Variants in DYM observed in about 807,000 individuals in gnomAD.
The protein encoded by DYM is dymeclin.
In DYM, 78 loss-of-function variants were observed where a neutral mutation model predicts 93.1. The ratio of observed to expected loss-of-function variants is 0.84; its 90% CI spans 0.70 to 1.01. The LOEUF is 1.01. Among genes scored for constraint, DYM ranks in the 50% least tolerant of loss-of-function variants. The pLI, the probability that DYM is intolerant of heterozygous loss-of-function variation, is 0.00. For missense variants in DYM, 789 were observed against 845.0 expected (o/e 0.93, Z 0.82); for synonymous variants, 321 against 319.7 (o/e 1.00, Z -0.04).
chr18:49,163,463 G>A (rs147948014), intron 15 of DYM, among the ~76,000 whole-genome samples: 39 of 151,926 alleles, frequency 2.6e-4, no homozygotes, highest in African/African-American at 6.8e-4. Flanking sequence ...CTCCTGCCTC[G>A]GCCTCCCAAA....
In DYM at chr18:49,290,929, G is replaced by A. The variant is rs75837551; in HGVS notation, c.764-4313C>T. 1.0e-2 allele frequency among the ~76,000 whole-genome samples: 1,514 copies of A among 152,068 alleles called. 43 individuals carry two copies. The highest frequency in any genetic ancestry group is 0.075 in the South Asian group (363 of 4,812). ...AAGGAAGGGAAGGAGGAAAATTCCT[G>A]GTCACCAACTCCCCCAAAAATGTGA... is the stretch of plus-strand genomic sequence containing the variant. On this transcript the variant is annotated intron_variant, in intron 8 of 17. Coordinates refer to ENST00000675505, the MANE Select transcript of DYM (RefSeq NM_001353214.3).
At chr18:49,264,846 G>A (rs1325975268) in intron 11 of DYM, among the ~76,000 whole-genome samples, 1 of 152,148 alleles carries the variant, frequency 6.6e-6, no homozygotes, top group Non-Finnish European at 1.5e-5. Context: ...ATAGACTAGA[G>A]CCCAAACTTA....
chr18:49,426,402 G>T (rs1371592693), intron 2 of DYM, among the ~76,000 whole-genome samples: 5 of 103,506 alleles, frequency 4.8e-5, no homozygotes, highest in South Asian at 4.4e-4. Flanking sequence ...GTTGTGGGGT[G>T]GGGGGAGGGG....
chr18:49,199,653 A>G (rs191992914), intron 14 of DYM, among the ~76,000 whole-genome samples: 1 of 152,370 alleles, frequency 6.6e-6, no homozygotes, highest in East Asian at 1.9e-4. Context: ...AATTATTACG[A>G]CAGTATCATA....
At chr18:49,115,617 T>C (rs914827991) in intron 16 of DYM, among the ~76,000 whole-genome samples, 1 of 152,210 alleles carries the variant, frequency 6.6e-6, no homozygotes, top group African/African-American at 2.4e-5. Context: ...TGACACAGTT[T>C]AGAAACATGA....
intron 1 of DYM, among the ~76,000 whole-genome samples, chr18:49,447,114 G>A (rs920953245): frequency 4.6e-5 from 7 of 152,030 alleles, no homozygotes; most frequent in East Asian, 1.9e-4. Flanking sequence ...TGGCCTGGGT[G>A]GATGTGGGAG....
At chr18:49,442,724 T>G (rs1369547420) in intron 1 of DYM, among the ~76,000 whole-genome samples, 1 of 152,172 alleles carries the variant, frequency 6.6e-6, no homozygotes, top group African/African-American at 2.4e-5. Context: ...ATCTTAACTG[T>G]TTCACATATA....
chr18:49,060,133 G>A (rs2075829759), intron 17 of DYM, among the ~76,000 whole-genome samples: 1 of 152,170 alleles, frequency 6.6e-6, no homozygotes, highest in Admixed American at 6.5e-5. Flanking sequence ...ATAACCTAAT[G>A]TTAGAAAGTA....
Position 49,219,893 on chromosome 18 carries a change from G to A in DYM, c.1461-10178C>T, listed in dbSNP as rs537115988. Among the ~76,000 whole-genome samples the A allele has an allele frequency of 3.3e-5, 4 of 122,430 alleles. No homozygotes were observed. The South Asian group carries it at 1.1e-3, about 35-fold the overall frequency. 80.3% of individuals were successfully genotyped at this position (122,430 alleles called of 152,430 possible). A position where few individuals can be genotyped will look rare whatever the true frequency, so the allele number is the denominator to read the frequency against. On this transcript the variant is annotated intron_variant, in intron 13 of 17. Coordinates refer to ENST00000675505, the MANE Select transcript of DYM (RefSeq NM_001353214.3). ...ACCACTCCTATTCAACATAGTGTTG[G>A]AAGTTCTGGCCAGGGCAATTAGGCA...
In DYM at chr18:49,175,696, A is replaced by G. The variant is rs1014191505; in HGVS notation, c.1626-11909T>C. 2.0e-5 allele frequency among the ~76,000 whole-genome samples: 3 copies of G among 152,304 alleles called. No homozygotes were observed. In the East Asian group the frequency reaches 5.8e-4, roughly 29 times the overall value. On this transcript the variant is annotated intron_variant, in intron 14 of 17. Coordinates refer to ENST00000675505, the MANE Select transcript of DYM (RefSeq NM_001353214.3). ...GCAAATGTCTTGTGACTAGCAGTACACAGCATAATGCATGGACAACAGATG... is the reference window on the plus strand; with the variant it reads ...GCAAATGTCTTGTGACTAGCAGTACGCAGCATAATGCATGGACAACAGATG...
At chr18:49,220,174 A>T (rs2093288879) in intron 13 of DYM, among the ~76,000 whole-genome samples, 1 of 152,314 alleles carries the variant, frequency 6.6e-6, no homozygotes, top group Admixed American at 6.5e-5. Flanking sequence ...AGAGAATAAA[A>T]TATCTAGGAA....
intron 16 of DYM, among the ~76,000 whole-genome samples, chr18:49,109,328 G>T (rs1001696378): frequency 1.3e-5 from 2 of 151,634 alleles, no homozygotes; most frequent in Non-Finnish European, 2.9e-5. Flanking sequence ...CTTTGGACTG[G>T]GTATAATTTT....
At chr18:49,298,205 A>G (rs1439663375) in intron 8 of DYM, among the ~76,000 whole-genome samples, 2 of 152,224 alleles carry the variant, frequency 1.3e-5, no homozygotes, top group Non-Finnish European at 2.9e-5. Context: ...GAAAGAAAAA[A>G]AACACATGGG....
intron 2 of DYM, among the ~76,000 whole-genome samples, chr18:49,420,357 T>G (rs181691050): frequency 3.0e-4 from 46 of 151,848 alleles, no homozygotes; most frequent in Admixed American, 1.8e-3. Context: ...TTAGTAGAGA[T>G]AGGGTTTCAC....
rs527935266 is a variant in DYM at position 49,460,381 on chromosome 18, G to A, written c.-54+17C>T. ...TTCGGGCCCGGCCGCGCTGAGGGGG[G>A]CGGCGCTACAGCCCACCTGTCTCAG... On this transcript the variant is annotated intron_variant, in intron 1 of 17. Transcript: ENST00000675505. 6.6e-6 allele frequency: 1 copy of A among 152,338 alleles called. No individual in the cohort carries two copies. The highest frequency in any genetic ancestry group is 1.9e-4 in the East Asian group (1 of 5,160). The allele number at this position is 152,338 out of a possible 1,614,324, so 9.4% of individuals were successfully genotyped here.
At chr18:49,266,057 G>A (rs185515502) in intron 11 of DYM, among the ~76,000 whole-genome samples, 397 of 152,242 alleles carry the variant, frequency 2.6e-3, no homozygotes, top group African/African-American at 9.3e-3. Flanking sequence ...CTACTTGGGA[G>A]GCTGAGGCAC....
intron 1 of DYM, among the ~76,000 whole-genome samples, chr18:49,437,038 G>C (rs1239325703): frequency 6.6e-6 from 1 of 152,126 alleles, no homozygotes; most frequent in Non-Finnish European, 1.5e-5. Flanking sequence ...CTATCAAAGA[G>C]TCTACTAACA....
At chr18:49,146,182 C>CA (rs762428450) in intron 15 of DYM, among the ~76,000 whole-genome samples, 14 of 152,116 alleles carry the variant, frequency 9.2e-5, no homozygotes, top group Non-Finnish European at 1.8e-4. Context: ...ACCACACACA[C>CA]AAAAAACCAC....
chr18:49,245,173 G>A (rs1007308466), intron 13 of DYM, among the ~76,000 whole-genome samples: 2 of 151,990 alleles, frequency 1.3e-5, no homozygotes, highest in South Asian at 2.1e-4. Context: ...TGTCATCTTC[G>A]TAAGCTGAGG....
Sources: gnomAD v4.1 joint callset for allele counts (sites outside exome capture counted in the v4.1 genomes callset) on GRCh38, gnomAD v4.1.1 for gene constraint, MANE v1.5 for transcripts, NCBI Gene and HGNC (gene_info 2026-07-23, HGNC 2026-07-21) for gene names.